TMEM132C: variants seen among roughly 807,000 people sequenced by gnomAD.
TMEM132C encodes protein phosphatase 1, regulatory subunit 152.
A neutral mutation model predicts 61.4 loss-of-function variants in TMEM132C; 29 were observed. The ratio of observed to expected loss-of-function variants is 0.47; its 90% CI spans 0.35 to 0.64. TMEM132C has a LOEUF of 0.64. Among genes scored for constraint, TMEM132C ranks in the 30% least tolerant of loss-of-function variants. The pLI is 0.00. For synonymous variants in TMEM132C, 656 were observed against 633.1 expected (o/e 1.04, Z -0.54); for missense variants, 1,408 against 1,476.9 (o/e 0.95, Z 0.76).
intron 4 of TMEM132C, among the ~76,000 whole-genome samples, chr12:128,622,623 G>A (rs961645558): frequency 9.2e-5 from 14 of 151,698 alleles, no homozygotes; most frequent in African/African-American, 3.4e-4. Flanking sequence ...GATGCTATCG[G>A]ATCTGCACGT....
At chr12:128,558,153 G>T (rs1378941054) in intron 3 of TMEM132C, among the ~76,000 whole-genome samples, 2 of 152,208 alleles carry the variant, frequency 1.3e-5, no homozygotes, top group Non-Finnish European at 2.9e-5. Flanking sequence ...ATGGAACAAG[G>T]CCTCCTTAAG....
At chr12:128,290,849 A>C (rs1235398140) in intron 1 of TMEM132C, among the ~76,000 whole-genome samples, 1 of 53,210 alleles carries the variant, frequency 1.9e-5, no homozygotes, top group East Asian at 7.3e-4. Flanking sequence ...CTCATTTAAC[A>C]AAAAAAAAAA....
At chr12:128,551,640 C>G (rs1874178987) in intron 3 of TMEM132C, among the ~76,000 whole-genome samples, 1 of 152,224 alleles carries the variant, frequency 6.6e-6, no homozygotes, top group South Asian at 2.1e-4. Flanking sequence ...GCTTCTGTGT[C>G]TGCAGGGAAG....
At chr12:128,336,136 G>GT (rs1872786570) in intron 1 of TMEM132C, among the ~76,000 whole-genome samples, 1 of 152,196 alleles carries the variant, frequency 6.6e-6, no homozygotes, top group Non-Finnish European at 1.5e-5. Context: ...GGCAGTAAAT[G>GT]TTTAAGTGAT....
chr12:128,564,441 G>C (rs530034441), intron 3 of TMEM132C, among the ~76,000 whole-genome samples: 1 of 152,136 alleles, frequency 6.6e-6, no homozygotes, highest in Non-Finnish European at 1.5e-5. Flanking sequence ...AAACTGTGCC[G>C]CCTGGCCTGG....
chr12:128,614,148 A>G (rs1295729342), intron 3 of TMEM132C, among the ~76,000 whole-genome samples: 1 of 152,160 alleles, frequency 6.6e-6, no homozygotes, highest in African/African-American at 2.4e-5. Context: ...GTTTCCACCA[A>G]TAGCGGTTCT....
intron 2 of TMEM132C, among the ~76,000 whole-genome samples, chr12:128,507,279 C>G (rs114798620): frequency 0.015 from 2,330 of 151,974 alleles, 60 homozygotes; most frequent in African/African-American, 0.051. Flanking sequence ...TTGGGAAATG[C>G]TGGACCGTGC....
intron 8 of TMEM132C, among the ~76,000 whole-genome samples, chr12:128,700,835 G>A (rs913117505): frequency 1.3e-5 from 2 of 152,224 alleles, no homozygotes; most frequent in Non-Finnish European, 2.9e-5. Context: ...ACGAGGGTGA[G>A]CACCAACATC....
intron 1 of TMEM132C, among the ~76,000 whole-genome samples, chr12:128,268,218 A>G (rs975300860): frequency 6.6e-6 from 1 of 152,136 alleles, no homozygotes; most frequent in Non-Finnish European, 1.5e-5. Flanking sequence ...TCTTCTCTAC[A>G]ATGGGAGTGA....
At position 128,370,916 on chromosome 12, in the gene TMEM132C, A is replaced by G. The variant is rs183836693; in HGVS notation, c.86-43816A>G. 3.3e-3 allele frequency among the ~76,000 whole-genome samples: 496 copies of G among 152,252 alleles called. 3 individuals carry two copies. Among genetic ancestry groups the G allele is most frequent in the African/African-American group, 0.011 (475 of 41,572 alleles). On this transcript the variant is annotated intron_variant, in intron 1 of 8. Transcript: ENST00000435159. ...CTCACTATGCCCCAGACATTGTTCT[A>G]AGGACTCATATACTAACTCATTTAA...
chr12:128,468,387 G>A lies in TMEM132C; in HGVS notation c.974+52767G>A, dbSNP rs368886860. On this transcript the variant is annotated intron_variant, in intron 2 of 8. Coordinates refer to ENST00000435159, the MANE Select transcript of TMEM132C (RefSeq NM_001136103.3). ...GGCTGGAGTGCAATGGCACGATCTC[G>A]GCTCACCACAACCTCTGCCTTCCGG... Among the ~76,000 whole-genome samples the A allele has an allele frequency of 1.4e-4, 22 of 151,948 alleles. 1 individual carries two copies. Among genetic ancestry groups the A allele is most frequent in the Admixed American group, 5.9e-4 (9 of 15,260 alleles).
chr12:128,460,163 A>G (rs1870486037), intron 2 of TMEM132C, among the ~76,000 whole-genome samples: 1 of 152,134 alleles, frequency 6.6e-6, no homozygotes, highest in Non-Finnish European at 1.5e-5. Context: ...AGTGACAGAA[A>G]CCCAAATCAA....
At chr12:128,604,531 A>AAGAT (rs149657261) in intron 3 of TMEM132C, among the ~76,000 whole-genome samples, 40,663 of 149,352 alleles carry the variant, frequency 0.27, 5,968 homozygotes, top group African/African-American at 0.38. Flanking sequence ...TAATGGATGG[A>AAGAT]AGATAGATAG....
rs568963270 is a variant in TMEM132C at position 128,314,180 on chromosome 12, C to G, written c.85+46693C>G. ...CAGTGGAGAAATCTGTTACTTCAGT[C>G]ACTTATTGTTGGAGCCAAAAATATC... is the stretch of plus-strand genomic sequence containing the variant. On this transcript the variant is annotated intron_variant, in intron 1 of 8. Transcript: ENST00000435159. Among the ~76,000 whole-genome samples the G allele has an allele frequency of 3.9e-5, 6 of 152,304 alleles. No homozygotes were observed. In the East Asian group the frequency reaches 9.6e-4, roughly 24 times the overall value.
intron 2 of TMEM132C, among the ~76,000 whole-genome samples, chr12:128,512,370 T>C (rs1335092312): frequency 6.6e-6 from 1 of 152,196 alleles, no homozygotes; most frequent in Admixed American, 6.5e-5. Flanking sequence ...AACCACTCTG[T>C]ATGTCCTGTT....
At chr12:128,423,884 A>G (rs1000459096) in intron 2 of TMEM132C, among the ~76,000 whole-genome samples, 1 of 151,320 alleles carries the variant, frequency 6.6e-6, no homozygotes, top group African/African-American at 2.4e-5. Context: ...AGAAAGAAAG[A>G]AAGGGAAAAA....
At chr12:128,599,913 A>AC (rs1876108485) in intron 3 of TMEM132C, among the ~76,000 whole-genome samples, 1 of 152,076 alleles carries the variant, frequency 6.6e-6, no homozygotes, top group African/African-American at 2.4e-5. Context: ...GGGAGCCGTT[A>AC]CCCCCATGCT....
chr12:128,405,767 C>T (rs1331338747), intron 1 of TMEM132C, among the ~76,000 whole-genome samples: 1 of 152,112 alleles, frequency 6.6e-6, no homozygotes, highest in Non-Finnish European at 1.5e-5. Flanking sequence ...ATTAACAGTG[C>T]ATACATTATC....
At chr12:128,612,691 A>G (rs189578366) in intron 3 of TMEM132C, among the ~76,000 whole-genome samples, 23 of 152,216 alleles carry the variant, frequency 1.5e-4, no homozygotes, top group African/African-American at 2.9e-4. Context: ...TAGTGAGTAT[A>G]TTGTTAACAG....
Sources: gnomAD v4.1 joint callset for allele counts (sites outside exome capture counted in the v4.1 genomes callset) on GRCh38, gnomAD v4.1.1 for gene constraint, MANE v1.5 for transcripts, NCBI Gene and HGNC (gene_info 2026-07-23, HGNC 2026-07-21) for gene names.